EBF1: variants seen among roughly 807,000 people sequenced by gnomAD.
The protein encoded by EBF1 is EBF transcription factor 1.
EBF1 carries 10 observed loss-of-function variants against 68.4 expected under a neutral mutation model. The observed-to-expected ratio is 0.15, with a 90% CI of 0.09 to 0.25. The LOEUF is 0.25. Ranked by LOEUF, EBF1 falls within the 10% of genes least tolerant of loss-of-function variation. The pLI is 1.00. For missense variants in EBF1, 509 were observed against 794.4 expected (o/e 0.64, Z 4.32); for synonymous variants, 298 against 299.8 (o/e 0.99, Z 0.06).
chr5:158,723,404 CCT>C (rs1178863546), intron 11 of EBF1, among the ~76,000 whole-genome samples: 1 of 152,134 alleles, frequency 6.6e-6, no homozygotes, highest in Admixed American at 6.5e-5. Context: ...TAAACACATG[CCT>C]CTGTGTCCTC....
intron 8 of EBF1, among the ~76,000 whole-genome samples, chr5:158,809,974 C>G (rs1046175365): frequency 6.6e-6 from 1 of 152,100 alleles, no homozygotes; most frequent in African/African-American, 2.4e-5. Flanking sequence ...CTCTCTTTTT[C>G]TTTTAAACAG....
intron 6 of EBF1, among the ~76,000 whole-genome samples, chr5:159,045,702 G>A (rs1772239467): frequency 6.6e-6 from 1 of 152,150 alleles, no homozygotes; most frequent in African/African-American, 2.4e-5. Flanking sequence ...AAGTAGGATG[G>A]AAGTCCAAAG....
chr5:158,930,204 C>T (rs573140825), intron 6 of EBF1, among the ~76,000 whole-genome samples: 10 of 151,242 alleles, frequency 6.6e-5, no homozygotes, highest in Middle Eastern at 3.5e-3. Flanking sequence ...ATTCAAATTA[C>T]TGGACCTAAA....
intron 6 of EBF1, among the ~76,000 whole-genome samples, chr5:159,044,333 A>G (rs762798396): frequency 2.0e-5 from 3 of 152,184 alleles, no homozygotes; most frequent in Non-Finnish European, 2.9e-5. Context: ...AAGGACCCCA[A>G]GTTAATGCAG....
At position 158,696,883 on chromosome 5, in the gene EBF1, T is replaced by G. The variant is rs1755848386; in HGVS notation, c.*2228A>C. The G allele has an allele frequency of 4.9e-6, 1 of 202,828 alleles. No individual in the cohort carries two copies. Among genetic ancestry groups the G allele is most frequent in the South Asian group, 1.9e-4 (1 of 5,272 alleles). 12.6% of individuals were successfully genotyped at this position (202,828 alleles called of 1,614,324 possible). A position where few individuals can be genotyped will look rare whatever the true frequency, so the allele number is the denominator to read the frequency against. On this transcript the variant is annotated 3_prime_UTR_variant, in exon 16 of 16. Transcript: ENST00000313708. ...AGGTAACAAAACAGTTCTTTTGTGC[T>G]TTTCGATTTCTTTGTTTTTTTTTTT...
intron 1 of EBF1, 99 bp downstream of exon 1, chr5:159,099,246 C>G (rs1460887283): frequency 8.7e-6 from 9 of 1,037,070 alleles, no homozygotes; most frequent in African/African-American, 2.2e-5. Context: ...ACCCCGCCGC[C>G]CGGCCCCGCG....
chr5:158,892,402 T>C (rs1011167532), intron 6 of EBF1, among the ~76,000 whole-genome samples: 1 of 152,062 alleles, frequency 6.6e-6, no homozygotes, highest in African/African-American at 2.4e-5. Context: ...GGGAGGAGAA[T>C]TGCTTGAACC....
At chr5:158,830,561 C>T (rs545359019) in intron 7 of EBF1, among the ~76,000 whole-genome samples, 21 of 152,328 alleles carry the variant, frequency 1.4e-4, no homozygotes, top group African/African-American at 4.6e-4. Context: ...TAAGCCAACA[C>T]AGTTGGCCTC....
rs530061914 is a variant in EBF1 at position 159,053,805 on chromosome 5, G to T, written c.554+19591C>A. On this transcript the variant is annotated intron_variant, in intron 6 of 15. Coordinates refer to ENST00000313708, the MANE Select transcript of EBF1 (RefSeq NM_024007.5). ...TTTCAATGATACCCAATTAGGCATT[G>T]CATGGCAAAAATAAACTCTTTAAAA... is the stretch of plus-strand genomic sequence containing the variant. Among the ~76,000 whole-genome samples, 20 of 152,324 alleles carry T rather than the reference G, an allele frequency of 1.3e-4. No individual in the cohort carries two copies. In the South Asian group the frequency reaches 3.5e-3, roughly 27 times the overall value.
intron 3 of EBF1, 102 bp downstream of exon 3, chr5:159,096,241 G>T: frequency 1.6e-6 from 2 of 1,266,644 alleles, no homozygotes; most frequent in South Asian, 2.7e-5. Context: ...TAAAGCGGAT[G>T]ACTGACCTTC....
intron 6 of EBF1, among the ~76,000 whole-genome samples, chr5:159,056,105 G>A (rs1774682760): frequency 6.6e-6 from 1 of 152,118 alleles, no homozygotes; most frequent in Non-Finnish European, 1.5e-5. Context: ...AACTATTTGG[G>A]AGCAGAAAGG....
At chr5:158,804,579 A>C (rs1018845997) in intron 8 of EBF1, among the ~76,000 whole-genome samples, 1 of 152,116 alleles carries the variant, frequency 6.6e-6, no homozygotes, top group African/African-American at 2.4e-5. Flanking sequence ...AAATCTTGAC[A>C]TTTTGATGTA....
intron 10 of EBF1, among the ~76,000 whole-genome samples, chr5:158,774,140 G>T (rs985439227): frequency 1.3e-5 from 2 of 152,142 alleles, no homozygotes; most frequent in African/African-American, 4.8e-5. Flanking sequence ...CTGTGACTCT[G>T]ATTGGACAAA....
intron 6 of EBF1, among the ~76,000 whole-genome samples, chr5:158,858,146 TC>T (rs1470287620): frequency 6.6e-6 from 1 of 152,184 alleles, no homozygotes. Flanking sequence ...TTGCTGGAGA[TC>T]CTCTGTTCGG....
At chr5:158,806,832 A>ACTGT (rs1781676304) in intron 8 of EBF1, among the ~76,000 whole-genome samples, 1 of 152,120 alleles carries the variant, frequency 6.6e-6, no homozygotes, top group Admixed American at 6.6e-5. Flanking sequence ...ACACAACCCT[A>ACTGT]CTGTCTATCT....
rs544555376 is a variant in EBF1 at position 158,765,343 on chromosome 5, C to T, written c.1036+12070G>A. ...CAAGCTCAAAGAGTCATCCTGGCCT[C>T]ATTGACTATTTTAAAAATCAATTAA... On this transcript the variant is annotated intron_variant, in intron 10 of 15. Coordinates refer to ENST00000313708, the MANE Select transcript of EBF1 (RefSeq NM_024007.5). 4.6e-5 allele frequency among the ~76,000 whole-genome samples: 7 copies of T among 152,254 alleles called. No homozygotes were observed. The South Asian group carries it at 1.2e-3, about 27-fold the overall frequency.
At chr5:158,701,120 G>C (rs537145454) in intron 15 of EBF1, among the ~76,000 whole-genome samples, 2 of 152,160 alleles carry the variant, frequency 1.3e-5, no homozygotes, top group Non-Finnish European at 2.9e-5. Context: ...GTGGGTCCAG[G>C]CACCTTTATT....
intron 15 of EBF1, among the ~76,000 whole-genome samples, chr5:158,703,726 C>T (rs1302653220): frequency 8.5e-5 from 13 of 152,062 alleles, no homozygotes; most frequent in Admixed American, 5.2e-4. Flanking sequence ...GCATGTTATC[C>T]AGGACATGTC....
intron 10 of EBF1, among the ~76,000 whole-genome samples, chr5:158,741,018 TA>T (rs1463574782): frequency 6.6e-6 from 1 of 152,174 alleles, no homozygotes; most frequent in Non-Finnish European, 1.5e-5. Context: ...TCCAGCAACT[TA>T]GTAGGACATA....
Sources: gnomAD v4.1 joint callset for allele counts (sites outside exome capture counted in the v4.1 genomes callset) on GRCh38, gnomAD v4.1.1 for gene constraint, MANE v1.5 for transcripts, NCBI Gene and HGNC (gene_info 2026-07-23, HGNC 2026-07-21) for gene names.